The following FAT2 variants were observed in gnomAD, a reference collection of about 807,000 sequenced individuals.
FAT2 encodes FAT atypical cadherin 2.
FAT2 carries 150 observed loss-of-function variants against 295.3 expected under a neutral mutation model. The observed-to-expected ratio is 0.51, with a 90% CI of 0.44 to 0.58. FAT2 has a LOEUF of 0.58. Ranked by LOEUF, FAT2 falls within the 20% of genes least tolerant of loss-of-function variation. The pLI is 0.00. For synonymous variants in FAT2, 2,026 were observed against 2,150.3 expected (o/e 0.94, Z 1.60); for missense variants, 4,868 against 5,442.7 (o/e 0.89, Z 3.32).
chr5:151,517,526 C>A, intron 20 of FAT2, 94 bp downstream of exon 20: 1 of 1,467,332 alleles, frequency 6.8e-7, no homozygotes, highest in South Asian at 1.2e-5. Context: ...ATTTCTTTGG[C>A]AGAAATGGGC....
rs1224885188 is a variant in FAT2, at chr5:151,521,300, G to A, written c.11293C>T (p.Leu3765=). 1 of 1,611,386 alleles carries A rather than the reference G, an allele frequency of 6.2e-7. No homozygotes were observed. Among genetic ancestry groups the A allele is most frequent in the East Asian group, 2.2e-5 (1 of 44,814 alleles). ...RLSILTPRHH[L]QRSCSCNGTA... is the part of the protein sequence containing the mutation. The stretch of plus-strand genomic sequence containing the variant: ...CCATTGCAGGAGCAGCTCCTCTGCA[G>A]GTGGTGCCGCGGGGTTAGGATGCTG... The change falls in exon 19 of 24, where the codon CTG becomes TTG. Residue 3765 remains leucine (L), a synonymous_variant. Transcript: ENST00000261800.
At chr5:151,592,931 G>T (rs989707500), upstream of FAT2, among the ~76,000 whole-genome samples, 2 of 152,216 alleles carry the variant, frequency 1.3e-5, no homozygotes, top group African/African-American at 4.8e-5. Flanking sequence ...AGCTGCTGCA[G>T]CCACTGTGAG....
At chr5:151,585,160 G>A (rs1759121881) in intron 1 of FAT2, among the ~76,000 whole-genome samples, 1 of 152,226 alleles carries the variant, frequency 6.6e-6, no homozygotes, top group Non-Finnish European at 1.5e-5. Context: ...AAGGAGTGAT[G>A]TGGCTATCCT....
chr5:151,580,018 GACT>G (rs1177413188), intron 1 of FAT2, among the ~76,000 whole-genome samples: 4 of 152,200 alleles, frequency 2.6e-5, no homozygotes, highest in South Asian at 2.1e-4. Context: ...ACAGTTTGAA[GACT>G]ACTATGAGTC....
At chr5:151,588,546 A>G (rs1561891908) in intron 1 of FAT2, among the ~76,000 whole-genome samples, 1 of 152,198 alleles carries the variant, frequency 6.6e-6, no homozygotes, top group Admixed American at 6.5e-5. Context: ...AGCAGTTCTC[A>G]TCTATGAATT....
chr5:151,568,092 A>T lies in FAT2; in HGVS notation c.840T>A (p.Asn280Lys), dbSNP rs1397532350. The part of the protein sequence containing the change: ...TTYATVLVDA[N>K]SSGAEVESVE... ...CTGACTCCACTTCAGCTCCTGAGCT[A>T]TTTGCATCGACCAGTACAGTGGCAT... The change falls in exon 2 of 24, where the codon AAT (asparagine) becomes AAA (lysine). Residue 280 changes from asparagine (N) to lysine (K), a missense_variant. By Grantham distance (94) the Asn-to-Lys change is moderately conservative. Coordinates refer to ENST00000261800, the MANE Select transcript of FAT2 (RefSeq NM_001447.3). 2 of 1,614,024 alleles carry T rather than the reference A, an allele frequency of 1.2e-6. No individual in the cohort carries two copies. The highest frequency in any genetic ancestry group is 2.7e-5 in the African/African-American group (2 of 74,908).
chr5:151,518,278 A>G (rs1753071766), intron 19 of FAT2, among the ~76,000 whole-genome samples: 1 of 151,814 alleles, frequency 6.6e-6, no homozygotes, highest in African/African-American at 2.4e-5. Flanking sequence ...GAGCCCAGGA[A>G]GTCAAGGCTG....
chr5:151,572,096 C>T (rs895839981), intron 1 of FAT2, among the ~76,000 whole-genome samples: 1 of 152,210 alleles, frequency 6.6e-6, no homozygotes, highest in African/African-American at 2.4e-5. Flanking sequence ...CCTGTCAATT[C>T]CCCTCTTTAT....
At chr5:151,563,728 C>A in intron 2 of FAT2, 89 bp from the exon 3 acceptor site, 1 of 1,030,374 alleles carries the variant, frequency 9.7e-7, no homozygotes, top group Non-Finnish European at 1.5e-6. Context: ...CCAAACCGCA[C>A]TGTGGAAAGG....
Position 151,531,471 on chromosome 5 carries a change from G to A in FAT2, c.9811+116C>T, listed in dbSNP as rs186784899. The A allele has an allele frequency of 5.1e-6, 7 of 1,371,432 alleles. No homozygotes were observed. The highest frequency in any genetic ancestry group is 6.9e-6 in the Non-Finnish European group (7 of 1,008,108). The allele number at this position is 1,371,432 out of a possible 1,614,324, so 85.0% of individuals were successfully genotyped here. A position where few individuals can be genotyped will look rare whatever the true frequency, so the allele number is the denominator to read the frequency against. Reference sequence around the variant, plus strand: ...GCAGAAGAGAATGGAGAAACGACCAGAGGAGGTCTGCTCTGGGAGGCGCTG... The same window carrying A: ...GCAGAAGAGAATGGAGAAACGACCAAAGGAGGTCTGCTCTGGGAGGCGCTG... On this transcript the variant is annotated intron_variant, in intron 14 of 23. Transcript: ENST00000261800. This position sits in a 1 kb window ranked among gnomAD's most constrained non-coding sequence, Gnocchi z 5.7.
Position 151,546,039 on chromosome 5 carries a change from C to T in FAT2, c.5088G>A (p.Glu1696=). The change falls in exon 10 of 24, where the codon GAG becomes GAA. Residue 1696 remains glutamate, a synonymous_variant. Transcript: ENST00000261800. ...SPSEVTYELR[E]GNKDGVFSMN... Reference sequence around the variant, plus strand: ...TAGAGAAGACTCCATCCTTATTTCCCTCTCTTAACTCATAGGTAACTTCAG... The same window carrying T: ...TAGAGAAGACTCCATCCTTATTTCCTTCTCTTAACTCATAGGTAACTTCAG... 1.9e-6 allele frequency: 3 copies of T among 1,614,146 alleles called. No homozygotes were observed. The highest frequency in any genetic ancestry group is 3.3e-5 in the Admixed American group (2 of 60,020).
rs542369786 is a variant in FAT2 at position 151,537,532 on chromosome 5, T to G, written c.9193+261A>C. Among the ~76,000 whole-genome samples, 163 of 152,306 alleles carry G rather than the reference T, an allele frequency of 1.1e-3. 1 individual carries two copies. The highest frequency in any genetic ancestry group is 3.7e-3 in the African/African-American group (154 of 41,564). On this transcript the variant is annotated intron_variant, in intron 12 of 23. Coordinates refer to ENST00000261800, the MANE Select transcript of FAT2 (RefSeq NM_001447.3). ...AAGAATAAAATAAATCCCCTTAGCA[T>G]TCTGCACTTTTTCTTAATTTAGCAC...
At chr5:151,551,437 A>T in intron 7 of FAT2, 30 bp downstream of exon 7, 1 of 1,610,888 alleles carries the variant, frequency 6.2e-7, no homozygotes, top group South Asian at 1.1e-5. Flanking sequence ...TCTCCTCTCA[A>T]TACAGGGGTC....
At chr5:151,555,558 T>C (rs1757622426) in intron 4 of FAT2, among the ~76,000 whole-genome samples, 1 of 151,816 alleles carries the variant, frequency 6.6e-6, no homozygotes, top group African/African-American at 2.4e-5. Flanking sequence ...TTAGTACAGA[T>C]GGGGTTTCAT....
Position 151,505,800 on chromosome 5 carries a change from G to A in FAT2, c.12815C>T (p.Thr4272Met), listed in dbSNP as rs770608155. The A allele has an allele frequency of 1.5e-5, 25 of 1,613,814 alleles. No homozygotes were observed. Among genetic ancestry groups the A allele is most frequent in the African/African-American group, 1.3e-4 (10 of 74,930 alleles). Residue 4272 changes from threonine (T) to methionine (M), a missense_variant, in exon 24 of 24, where the codon ACG (threonine) becomes ATG (methionine). By Grantham distance (81) the Thr-to-Met change is moderately conservative. This residue lies in a region of FAT2 where 492 missense variants were observed against 482.6 expected (regional missense o/e 1.02). Coordinates refer to ENST00000261800, the MANE Select transcript of FAT2 (RefSeq NM_001447.3). ...RLVAPCLNEY[T>M]AISYYHSQFR... ...CTGCGAGTGGTAGTAGCTGATGGCC[G>A]TGTACTCATTGAGACAGGGGGCAAC...
intron 11 of FAT2, among the ~76,000 whole-genome samples, chr5:151,539,268 G>T (rs1024874166): frequency 6.6e-6 from 1 of 152,158 alleles, no homozygotes; most frequent in African/African-American, 2.4e-5. Context: ...TTATGTGACT[G>T]GCATGTAGAA....
chr5:151,517,839 T>C (rs1753019991), intron 19 of FAT2, 74 bp from the exon 20 acceptor site: 2 of 1,555,848 alleles, frequency 1.3e-6, no homozygotes, highest in Non-Finnish European at 1.8e-6. Flanking sequence ...CTTTGTCTTA[T>C]TTAATCCTTG....
Position 151,540,771 on chromosome 5 carries a change from G to A in FAT2, c.8843-8C>T, listed in dbSNP as rs752349681. The A allele has an allele frequency of 3.1e-6, 5 of 1,609,522 alleles. No homozygotes were observed. Among genetic ancestry groups the A allele is most frequent in the East Asian group, 2.2e-5 (1 of 44,782 alleles). On this transcript the variant is annotated splice_region_variant and splice_polypyrimidine_tract_variant and intron_variant, in intron 10 of 23. Coordinates refer to ENST00000261800, the MANE Select transcript of FAT2 (RefSeq NM_001447.3). ...GGCCCAGGGGGTCTCCCTCTAAACA[G>A]ATGGGGCAGAGCTTTCAGAAGCCAA...
intron 1 of FAT2, among the ~76,000 whole-genome samples, chr5:151,577,468 A>G (rs757488626): frequency 5.9e-5 from 9 of 152,228 alleles, no homozygotes; most frequent in Non-Finnish European, 1.3e-4. Context: ...AGTAGCAGAG[A>G]GAGACAATAA....
Sources: allele counts gnomAD v4.1 joint callset (sites outside exome capture counted in the v4.1 genomes callset), GRCh38; gene constraint gnomAD v4.1.1; regional missense constraint gnomAD v4.1.1; non-coding constraint Gnocchi (gnomAD v3.1); transcripts MANE v1.5; gene names NCBI Gene and HGNC (gene_info 2026-07-23, HGNC 2026-07-21).